DOCK8: variants seen among roughly 807,000 people sequenced by gnomAD.
The protein encoded by DOCK8 is dedicator of cytokinesis protein 8.
In DOCK8, 141 loss-of-function variants were observed where a neutral mutation model predicts 245.6. The observed-to-expected ratio is 0.57, with a 90% CI of 0.50 to 0.66. The LOEUF (loss-of-function observed/expected upper bound fraction) is 0.66. Ranked by LOEUF, DOCK8 falls within the 30% of genes least tolerant of loss-of-function variation. DOCK8 has a pLI of 0.00. For synonymous variants in DOCK8, 1,168 were observed against 970.2 expected, an observed-to-expected ratio of 1.20 and a Z score of -3.79; for missense variants, 2,965 against 2,603.4, an observed-to-expected ratio of 1.14 and a Z score of -3.02.
At chr9:323,740 C>G (rs1322831154) in intron 7 of DOCK8, among the ~76,000 whole-genome samples, 2 of 152,196 alleles carry the variant, frequency 1.3e-5, no homozygotes. Context: ...CTAGGTGCCT[C>G]ATGTAAGGGG....
chr9:405,118 C>A lies in DOCK8; in HGVS notation c.3390+45C>A, dbSNP rs747410102. 4 of 1,544,754 alleles carry A rather than the reference C, an allele frequency of 2.6e-6. No homozygotes were observed. The South Asian group carries it at 3.4e-5, about 13-fold the overall frequency. On this transcript the variant is annotated intron_variant, in intron 27 of 47. Transcript: ENST00000432829. ...ACTAAAAGAATTATTCAAGCTATTT[C>A]ATTTAACTAGCTCAGTTTAATCATG...
chr9:288,978 T>A (rs2048933577), intron 3 of DOCK8, among the ~76,000 whole-genome samples: 1 of 152,228 alleles, frequency 6.6e-6, no homozygotes, highest in Admixed American at 6.5e-5. Flanking sequence ...TGAAGAGTAT[T>A]GCTCATGGTG....
chr9:442,312 A>G (rs998739829), intron 42 of DOCK8, among the ~76,000 whole-genome samples: 6 of 152,234 alleles, frequency 3.9e-5, no homozygotes, highest in Non-Finnish European at 7.3e-5. Context: ...GTGCTTTCTT[A>G]TCACCCTTTC....
At chr9:360,401 G>C (rs2052669964) in intron 14 of DOCK8, among the ~76,000 whole-genome samples, 2 of 151,698 alleles carry the variant, frequency 1.3e-5, no homozygotes, top group Middle Eastern at 3.5e-3. Flanking sequence ...CCATACCCAA[G>C]GCATTTTTAA....
At chr9:342,625 A>G (rs1420778548) in intron 14 of DOCK8, among the ~76,000 whole-genome samples, 4 of 152,012 alleles carry the variant, frequency 2.6e-5, no homozygotes, top group African/African-American at 4.8e-5. Context: ...GCCTGCCACC[A>G]CACCCAGTTA....
intron 2 of DOCK8, among the ~76,000 whole-genome samples, chr9:279,737 C>T (rs371379789): frequency 6.6e-6 from 1 of 152,110 alleles, no homozygotes; most frequent in Non-Finnish European, 1.5e-5. Flanking sequence ...TTGTGAACAG[C>T]CAAGTAAATG....
At chr9:337,603 G>A (rs993435938) in intron 12 of DOCK8, among the ~76,000 whole-genome samples, 4 of 152,008 alleles carry the variant, frequency 2.6e-5, no homozygotes, top group African/African-American at 9.7e-5. Flanking sequence ...CTCAGAGAGG[G>A]TGACCATTCC....
intron 2 of DOCK8, among the ~76,000 whole-genome samples, chr9:278,317 G>C (rs928967536): frequency 6.6e-6 from 1 of 152,184 alleles, no homozygotes; most frequent in South Asian, 2.1e-4. Flanking sequence ...ACAGAACTTC[G>C]ATATCACAGA....
chr9:306,418 C>T (rs977105974), intron 5 of DOCK8, among the ~76,000 whole-genome samples: 1 of 152,176 alleles, frequency 6.6e-6, no homozygotes, highest in Non-Finnish European at 1.5e-5. Flanking sequence ...TTTCACCCTA[C>T]ATGCTGACCA....
chr9:336,944 C>A (rs2051339756), intron 12 of DOCK8, among the ~76,000 whole-genome samples: 1 of 152,068 alleles, frequency 6.6e-6, no homozygotes, highest in Non-Finnish European at 1.5e-5. Context: ...AGTTGAGGGC[C>A]CACCCTTGGT....
intron 39 of DOCK8, among the ~76,000 whole-genome samples, chr9:436,779 T>C (rs955220): frequency 0.41 from 62,313 of 152,206 alleles, 15,274 homozygotes; most frequent in Non-Finnish European, 0.56. Context: ...GAATATTTAT[T>C]GAATACTTAT....
chr9:451,969 ATATATATATTTTTTTTTTTTTT>A lies in DOCK8; in HGVS notation c.5962-40_5962-19del, dbSNP rs779063405. ...TGTGTGTGTGTGTATATATATATAT[ATATATATATTTTTTTTTTTTTT>A]TTTTTTTTTTTCCCACCAGGGACCA... is the stretch of plus-strand genomic sequence containing the variant. On this transcript the variant is annotated intron_variant, in intron 45 of 47. Coordinates refer to ENST00000432829, the MANE Select transcript of DOCK8 (RefSeq NM_203447.4). 284 of 397,164 alleles carry A rather than the reference ATATATATATTTTTTTTTTTTTT, an allele frequency of 7.2e-4. 2 individuals are homozygous for A. The African/African-American group carries it at 0.011, about 15-fold the overall frequency. The allele number at this position is 397,164 out of a possible 1,614,324, so 24.6% of individuals were successfully genotyped here.
intron 1 of DOCK8, among the ~76,000 whole-genome samples, chr9:251,398 A>G (rs1261985413): frequency 1.3e-5 from 2 of 152,210 alleles, no homozygotes; most frequent in African/African-American, 2.4e-5. Flanking sequence ...CCATGAAAGG[A>G]TTAATGATAT....
intron 45 of DOCK8, 94 bp downstream of exon 45, chr9:450,021 T>G: frequency 7.2e-7 from 1 of 1,391,206 alleles, no homozygotes; most frequent in Non-Finnish European, 1.0e-6. Context: ...TGATGAGGAC[T>G]TTGATCCATA....
chr9:235,826 G>T (rs1467196083), intron 1 of DOCK8, among the ~76,000 whole-genome samples: 2 of 152,164 alleles, frequency 1.3e-5, no homozygotes, highest in Admixed American at 6.5e-5. Flanking sequence ...CTAGGAAAGG[G>T]AATTCCCTGA....
intron 5 of DOCK8, among the ~76,000 whole-genome samples, chr9:309,197 T>C (rs995993403): frequency 9.9e-5 from 15 of 152,234 alleles, no homozygotes; most frequent in African/African-American, 3.6e-4. Flanking sequence ...TACTTATATG[T>C]ATCTTGATAT....
chr9:287,398 A>G (rs1389380582), intron 3 of DOCK8, among the ~76,000 whole-genome samples: 1 of 152,248 alleles, frequency 6.6e-6, no homozygotes, highest in Non-Finnish European at 1.5e-5. Flanking sequence ...ATAAACTTTT[A>G]TTTACATTTA....
intron 6 of DOCK8, 112 bp downstream of exon 6, chr9:312,278 T>C (rs1350803073): frequency 8.4e-6 from 11 of 1,303,388 alleles, no homozygotes; most frequent in Admixed American, 3.9e-5. Flanking sequence ...CAGGGCTCAC[T>C]TGTATGATTT....
At chr9:258,573 A>C (rs745625732) in intron 1 of DOCK8, among the ~76,000 whole-genome samples, 4 of 150,968 alleles carry the variant, frequency 2.6e-5, no homozygotes, top group Non-Finnish European at 4.4e-5. Flanking sequence ...GGTAATGATG[A>C]AAGGAGCCTG....
Sources: gnomAD v4.1 joint callset for allele counts (sites outside exome capture counted in the v4.1 genomes callset) on GRCh38, gnomAD v4.1.1 for gene constraint, MANE v1.5 for transcripts, NCBI Gene and HGNC (gene_info 2026-07-23, HGNC 2026-07-21) for gene names.